The following SLC35F1 variants were observed in gnomAD, a reference collection of about 807,000 sequenced individuals.
SLC35F1 encodes the protein solute carrier family 35 member F1, also known as chromosome 6 open reading frame 169.
SLC35F1 carries 14 observed loss-of-function variants against 48.7 expected under a neutral mutation model. The ratio of observed to expected loss-of-function variants is 0.29; its 90% CI spans 0.19 to 0.45. SLC35F1 has a LOEUF of 0.45. Ranked by LOEUF, SLC35F1 falls within the 20% of genes least tolerant of loss-of-function variation. The probability of loss-of-function intolerance (pLI) is 1.00; values close to 1 mark genes in which losing one functional copy is unlikely to be tolerated. For missense variants in SLC35F1, 404 were observed against 500.0 expected, an observed-to-expected ratio of 0.81 and a Z score of 1.83; for synonymous variants, 190 against 202.2, an observed-to-expected ratio of 0.94 and a Z score of 0.51.
chr6:117,912,893 C>G (rs1234609814), intron 1 of SLC35F1, among the ~76,000 whole-genome samples: 2 of 152,102 alleles, frequency 1.3e-5, no homozygotes, highest in Non-Finnish European at 2.9e-5. Flanking sequence ...GTGTGATTTT[C>G]TTTGAACTTT....
chr6:117,970,032 A>T (rs896253485), intron 1 of SLC35F1, among the ~76,000 whole-genome samples: 6 of 152,222 alleles, frequency 3.9e-5, no homozygotes, highest in Admixed American at 3.9e-4. Context: ...ACTTGTAAGG[A>T]CAAAGGTGTC....
At chr6:117,925,383 A>G (rs775508285) in intron 1 of SLC35F1, among the ~76,000 whole-genome samples, 6 of 152,162 alleles carry the variant, frequency 3.9e-5, no homozygotes, top group African/African-American at 1.4e-4. Context: ...CTTTATGACC[A>G]TGAAGGAAAC....
At chr6:118,249,160 A>C (rs1775542392) in intron 3 of SLC35F1, among the ~76,000 whole-genome samples, 1 of 152,204 alleles carries the variant, frequency 6.6e-6, no homozygotes, top group African/African-American at 2.4e-5. Flanking sequence ...TTTTTACAGC[A>C]GCCTTAATAG....
intron 2 of SLC35F1, among the ~76,000 whole-genome samples, chr6:118,223,130 A>G (rs1023561893): frequency 6.6e-6 from 1 of 152,198 alleles, no homozygotes; most frequent in African/African-American, 2.4e-5. Context: ...ACTTGATTTC[A>G]GAAAAATAAT....
chr6:118,217,808 TA>T (rs1279118335), intron 2 of SLC35F1, among the ~76,000 whole-genome samples: 39 of 152,172 alleles, frequency 2.6e-4, no homozygotes, highest in African/African-American at 9.2e-4. Context: ...TAAACTCTGG[TA>T]GGATATTGCA....
rs1245382515 is a variant in SLC35F1 at position 118,161,646 on chromosome 6, C to T, written c.349+7026C>T. On this transcript the variant is annotated intron_variant, in intron 2 of 7. Transcript: ENST00000360388. ...TGTCAGGTTGCATTTATTTTTACTT[C>T]CTAAGTATGATTGGAGAATTCTAGT... Among the ~76,000 whole-genome samples, 15 of 152,066 alleles carry T rather than the reference C, an allele frequency of 9.9e-5. No homozygotes were observed. In the East Asian group the frequency reaches 2.9e-3, roughly 29 times the overall value.
intron 4 of SLC35F1, among the ~76,000 whole-genome samples, chr6:118,267,383 GCA>G (rs1250734638): frequency 6.6e-6 from 1 of 152,192 alleles, no homozygotes; most frequent in East Asian, 1.9e-4. Flanking sequence ...TGCCCTTTCT[GCA>G]TCCATTCAGA....
At chr6:118,027,780 T>G (rs922721471) in intron 1 of SLC35F1, among the ~76,000 whole-genome samples, 3 of 152,134 alleles carry the variant, frequency 2.0e-5, no homozygotes, top group African/African-American at 7.2e-5. Flanking sequence ...TATGGTGTAT[T>G]TCAAAGAGCA....
At chr6:118,111,955 C>T (rs1314277237) in intron 1 of SLC35F1, among the ~76,000 whole-genome samples, 4 of 152,100 alleles carry the variant, frequency 2.6e-5, no homozygotes, top group Admixed American at 2.6e-4. Context: ...TTCCTAGCCT[C>T]TAGATGTTTA....
At position 117,907,364 on chromosome 6, in the gene SLC35F1, A is replaced by C. The variant is rs2788996; in HGVS notation, c.-363A>C. Among the ~76,000 whole-genome samples the C allele has an allele frequency of 0.52, 78,508 of 150,350 alleles. 20,464 individuals are homozygous for C. Among genetic ancestry groups the C allele is most frequent in the South Asian group, 0.64 (3,098 of 4,816 alleles). On this transcript the variant is annotated 5_prime_UTR_variant, in exon 1 of 8. Transcript: ENST00000360388. Reference sequence around the variant, plus strand: ...GAGACCCGGGCACGAGGAAACAAGGAGAAATCAGGACTCCTTCCCCGGAAC... The same window carrying C: ...GAGACCCGGGCACGAGGAAACAAGGCGAAATCAGGACTCCTTCCCCGGAAC...
chr6:117,921,584 C>T (rs527279170), intron 1 of SLC35F1, among the ~76,000 whole-genome samples: 7 of 152,314 alleles, frequency 4.6e-5, no homozygotes, highest in African/African-American at 1.4e-4. Context: ...TTTGGATTCA[C>T]CTTCCTTAGT....
At chr6:118,152,981 C>T (rs1328289289) in intron 1 of SLC35F1, among the ~76,000 whole-genome samples, 1 of 152,142 alleles carries the variant, frequency 6.6e-6, no homozygotes, top group Non-Finnish European at 1.5e-5. Context: ...GGAGCCAGTA[C>T]CTGGAAATAG....
chr6:118,093,801 G>C (rs1340486064), intron 1 of SLC35F1, among the ~76,000 whole-genome samples: 3 of 152,208 alleles, frequency 2.0e-5, no homozygotes, highest in Non-Finnish European at 2.9e-5. Context: ...TTTTCAGAGA[G>C]TGCAGAAGAA....
In SLC35F1 at chr6:118,315,256, G is replaced by T. The variant is rs1330279552; in HGVS notation, c.*1004G>T. 4 of 152,428 alleles carry T rather than the reference G, an allele frequency of 2.6e-5. No individual in the cohort carries two copies. 9.4% of individuals were successfully genotyped at this position (152,428 alleles called of 1,614,324 possible). ...CAGCATGGAAATTACCTTTATTGTG[G>T]AAAATCATTGGTTGTGCCACCTCCT... On this transcript the variant is annotated 3_prime_UTR_variant, in exon 8 of 8. Transcript: ENST00000360388.
chr6:118,277,585 C>T, intron 6 of SLC35F1, 39 bp downstream of exon 6: 1 of 1,578,236 alleles, frequency 6.3e-7, no homozygotes, highest in South Asian at 1.1e-5. Flanking sequence ...TTTTTATAAC[C>T]TGAGAAATGT....
Position 118,133,565 on chromosome 6 carries a change from C to T in SLC35F1, c.174-20880C>T, listed in dbSNP as rs539653062. Among the ~76,000 whole-genome samples the T allele has an allele frequency of 7.8e-4, 119 of 152,200 alleles. 3 individuals are homozygous for T. The South Asian group carries it at 8.5e-3, about 11-fold the overall frequency. On this transcript the variant is annotated intron_variant, in intron 1 of 7. Transcript: ENST00000360388. ...AGAAATATTTCAGTGTGCAGAATTT[C>T]CAGAGAGAAGAACATTTTCTCATGA...
chr6:118,021,447 T>C (rs1411357302), intron 1 of SLC35F1, among the ~76,000 whole-genome samples: 2 of 152,162 alleles, frequency 1.3e-5, no homozygotes, highest in African/African-American at 4.8e-5. Context: ...GCCTTCTGTA[T>C]TGGGAAAGGG....
intron 1 of SLC35F1, among the ~76,000 whole-genome samples, chr6:118,048,764 A>G (rs561608092): frequency 1.8e-4 from 27 of 152,350 alleles, no homozygotes; most frequent in African/African-American, 6.3e-4. Flanking sequence ...GGAAGAATCA[A>G]TATCGTGAAA....
chr6:118,276,931 G>A (rs1229385329), intron 5 of SLC35F1, among the ~76,000 whole-genome samples: 1 of 152,138 alleles, frequency 6.6e-6, no homozygotes, highest in Non-Finnish European at 1.5e-5. Context: ...TCTTCTAGAT[G>A]AGAGGTTCTC....
Sources: allele counts gnomAD v4.1 joint callset (sites outside exome capture counted in the v4.1 genomes callset), GRCh38; gene constraint gnomAD v4.1.1; transcripts MANE v1.5; gene names NCBI Gene and HGNC (gene_info 2026-07-23, HGNC 2026-07-21).